The following GRK3 variants were observed in gnomAD, a reference collection of about 807,000 sequenced individuals.
The protein encoded by GRK3 is G protein-coupled receptor kinase 3.
A neutral mutation model predicts 95.7 loss-of-function variants in GRK3; 54 were observed. That is an observed-to-expected ratio of 0.56 (90% CI 0.45 to 0.71). GRK3 has a LOEUF of 0.71. Ranked by LOEUF, GRK3 falls within the 30% of genes least tolerant of loss-of-function variation. The probability of loss-of-function intolerance (pLI) is 0.00; values close to 1 mark genes in which losing one functional copy is unlikely to be tolerated. For synonymous variants in GRK3, 281 were observed against 290.8 expected (o/e 0.97, Z 0.34); for missense variants, 649 against 851.2 (o/e 0.76, Z 2.96).
intron 1 of GRK3, among the ~76,000 whole-genome samples, chr22:25,595,734 G>T (rs2084368080): frequency 6.6e-6 from 1 of 151,758 alleles, no homozygotes; most frequent in South Asian, 2.1e-4. Flanking sequence ...ATCTCTTGAG[G>T]CCAAGAATTT....
chr22:25,654,202 ATAGAAAT>A (rs1386517384), intron 3 of GRK3, among the ~76,000 whole-genome samples: 1 of 152,240 alleles, frequency 6.6e-6, no homozygotes, highest in Non-Finnish European at 1.5e-5. Context: ...GGAAAGTAAA[ATAGAAAT>A]TAGAAACTAT....
At chr22:25,721,608 G>A (rs2085433061) in intron 20 of GRK3, among the ~76,000 whole-genome samples, 1 of 152,094 alleles carries the variant, frequency 6.6e-6, no homozygotes, top group African/African-American at 2.4e-5. Flanking sequence ...GTGAAATAAT[G>A]TCATTACTCT....
chr22:25,575,282 T>C (rs1480138995), intron 1 of GRK3, among the ~76,000 whole-genome samples: 2 of 152,236 alleles, frequency 1.3e-5, no homozygotes, highest in African/African-American at 4.8e-5. Flanking sequence ...GAGTTCTAAG[T>C]GAAGCGTTAT....
chr22:25,701,953 T>A (rs1009710426), intron 13 of GRK3, among the ~76,000 whole-genome samples: 4 of 152,246 alleles, frequency 2.6e-5, no homozygotes, highest in Admixed American at 2.6e-4. Context: ...AGATATTGTT[T>A]GCTTTTATAT....
chr22:25,620,010 G>T (rs2331136), intron 2 of GRK3, among the ~76,000 whole-genome samples: 2,871 of 83,824 alleles, frequency 0.034, 68 homozygotes, highest in East Asian at 0.15. Context: ...TCTTTTTTGT[G>T]TGTGTGTGTG....
chr22:25,718,629 G>T (rs769923542), intron 19 of GRK3, among the ~76,000 whole-genome samples: 22 of 152,174 alleles, frequency 1.4e-4, no homozygotes, highest in Admixed American at 2.6e-4. Context: ...TCATCAGATG[G>T]ATTTGAAGAA....
chr22:25,571,490 TCAAA>T (rs769302361), intron 1 of GRK3, among the ~76,000 whole-genome samples: 3 of 152,072 alleles, frequency 2.0e-5, no homozygotes, highest in Non-Finnish European at 4.4e-5. Flanking sequence ...CACGGATAAC[TCAAA>T]CAAAAAGATG....
Position 25,710,488 on chromosome 22 carries a change from C to T in GRK3, c.1395+524C>T, listed in dbSNP as rs1014968390. On this transcript the variant is annotated intron_variant, in intron 16 of 20. Transcript: ENST00000324198. Reference sequence around the variant, plus strand: ...CTTATTTTAAGCTTCATTATATTTGCGTTGATACAGGAAACACCCCAAATT... The same window carrying T: ...CTTATTTTAAGCTTCATTATATTTGTGTTGATACAGGAAACACCCCAAATT... Among the ~76,000 whole-genome samples the T allele has an allele frequency of 9.2e-5, 14 of 152,124 alleles. No individual in the cohort carries two copies. The East Asian group carries it at 2.5e-3, about 27-fold the overall frequency.
chr22:25,616,071 T>A (rs2084535883), intron 2 of GRK3, among the ~76,000 whole-genome samples: 1 of 151,046 alleles, frequency 6.6e-6, no homozygotes. Context: ...TTGTGAGGGT[T>A]TCTGCTCTTA....
chr22:25,691,039 G>C (rs2085161134), intron 12 of GRK3, among the ~76,000 whole-genome samples: 1 of 152,102 alleles, frequency 6.6e-6, no homozygotes, highest in Non-Finnish European at 1.5e-5. Context: ...CTCTGTACTC[G>C]GGGTTGTTAA....
At chr22:25,647,908 C>T (rs998455855) in intron 3 of GRK3, 21 of 546,248 alleles carry the variant, frequency 3.8e-5, no homozygotes, top group Middle Eastern at 5.3e-4. Context: ...GTCAGGAGTT[C>T]GAGACTAGCC....
chr22:25,683,541 A>G (rs896090684), intron 9 of GRK3, among the ~76,000 whole-genome samples: 2 of 152,186 alleles, frequency 1.3e-5, no homozygotes, highest in African/African-American at 4.8e-5. Context: ...CCCAGCACTC[A>G]GTATCGTCAG....
intron 17 of GRK3, among the ~76,000 whole-genome samples, chr22:25,713,201 G>A (rs2085357814): frequency 6.6e-6 from 1 of 152,144 alleles, no homozygotes; most frequent in South Asian, 2.1e-4. Context: ...GCCTGTCCCT[G>A]TGTGCCTGAT....
At position 25,565,137 on chromosome 22, in the gene GRK3, G is replaced by T; in HGVS notation, c.97G>T (p.Val33Phe). 1 of 1,535,822 alleles carries T rather than the reference G, an allele frequency of 6.5e-7. No homozygotes were observed. The part of the protein sequence containing the change: ...TPAARASKRI[V>F]LPEPSIRSVM... The stretch of plus-strand genomic sequence containing the variant: ...GGCCGCCCGCGCCAGCAAGAGGATC[G>T]TCCTGCCGGAGCCCAGGTACCAGCT... Residue 33 changes from valine (V) to phenylalanine (F), a missense_variant, in exon 1 of 21, where the codon GTC (valine) becomes TTC (phenylalanine). Coordinates refer to ENST00000324198, the MANE Select transcript of GRK3 (RefSeq NM_005160.4).
intron 2 of GRK3, among the ~76,000 whole-genome samples, chr22:25,621,292 A>T: frequency 6.6e-6 from 1 of 152,132 alleles, no homozygotes; most frequent in East Asian, 1.9e-4. Flanking sequence ...CCTTGGTTTT[A>T]TTTTCCCAAA....
intron 3 of GRK3, chr22:25,648,129 A>C (rs1045482421): frequency 3.2e-6 from 2 of 615,602 alleles, no homozygotes; most frequent in Non-Finnish European, 5.8e-6. Flanking sequence ...AAAACAAATA[A>C]GCAAACAGAA....
chr22:25,591,224 T>C (rs1932477878), intron 1 of GRK3, among the ~76,000 whole-genome samples: 2 of 152,162 alleles, frequency 1.3e-5, no homozygotes, highest in Admixed American at 6.5e-5. Context: ...AGTTTTATTA[T>C]GAAAGATGCA....
intron 12 of GRK3, among the ~76,000 whole-genome samples, chr22:25,693,414 T>G (rs1428249849): frequency 6.6e-6 from 1 of 152,204 alleles, no homozygotes; most frequent in Admixed American, 6.5e-5. Flanking sequence ...ATTCCAGAAC[T>G]GTGACTTGAT....
intron 2 of GRK3, among the ~76,000 whole-genome samples, chr22:25,609,979 C>G (rs944047831): frequency 4.6e-5 from 7 of 151,594 alleles, no homozygotes; most frequent in Non-Finnish European, 1.0e-4. Flanking sequence ...TCCCGAGTAG[C>G]TGGGATTACA....
Sources: gnomAD v4.1 joint callset for allele counts (sites outside exome capture counted in the v4.1 genomes callset) on GRCh38, gnomAD v4.1.1 for gene constraint, MANE v1.5 for transcripts, NCBI Gene and HGNC (gene_info 2026-07-23, HGNC 2026-07-21) for gene names.